RSU1: variants seen among roughly 807,000 people sequenced by gnomAD.
RSU1 encodes rsu-1.
In RSU1, 26 loss-of-function variants were observed where a neutral mutation model predicts 31.1. The ratio of observed to expected loss-of-function variants is 0.84; its 90% confidence interval spans 0.61 to 1.16. The LOEUF is 1.16. RSU1 is among the 50% of genes most tolerant of loss of function. The pLI, the probability that RSU1 is intolerant of heterozygous loss-of-function variation, is 0.00. For synonymous variants in RSU1, 164 were observed against 136.3 expected (o/e 1.20, Z -1.41); for missense variants, 320 against 339.1 (o/e 0.94, Z 0.44).
chr10:16,776,808 T>TAA (rs1299409603), intron 3 of RSU1, among the ~76,000 whole-genome samples: 20 of 139,328 alleles, frequency 1.4e-4, no homozygotes, highest in African/African-American at 3.6e-4. Context: ...TCACAAAATT[T>TAA]AAAAAAAAAA....
intron 8 of RSU1, among the ~76,000 whole-genome samples, chr10:16,614,508 T>A (rs1428848524): frequency 2.6e-5 from 4 of 152,018 alleles, no homozygotes; most frequent in Non-Finnish European, 4.4e-5. Context: ...AATAAGAGTA[T>A]CAATGGATTG....
At chr10:16,811,874 C>G (rs1319582834) in intron 2 of RSU1, among the ~76,000 whole-genome samples, 3 of 152,170 alleles carry the variant, frequency 2.0e-5, no homozygotes, top group African/African-American at 7.2e-5. Context: ...ATAAATTTTT[C>G]CCAAGTACTA....
intron 8 of RSU1, among the ~76,000 whole-genome samples, chr10:16,645,962 ATG>A (rs1211259644): frequency 0.17 from 8,699 of 51,022 alleles, 2,247 homozygotes; most frequent in South Asian, 0.26. Context: ...ATATACATAT[ATG>A]TGTATATATA....
chr10:16,774,465 G>A (rs1837488315), intron 3 of RSU1, among the ~76,000 whole-genome samples: 1 of 152,166 alleles, frequency 6.6e-6, no homozygotes, highest in Admixed American at 6.5e-5. Context: ...AGCTACTAGG[G>A]AGGCTGAGGC....
In RSU1 at chr10:16,658,506, C is replaced by T. The variant is rs117965081; in HGVS notation, c.731+36517G>A. 7.1e-3 allele frequency among the ~76,000 whole-genome samples: 1,082 copies of T among 152,130 alleles called. 9 individuals are homozygous for T. Among genetic ancestry groups the T allele is most frequent in the Non-Finnish European group, 0.01 (709 of 68,000 alleles). On this transcript the variant is annotated intron_variant, in intron 8 of 8. Transcript: ENST00000345264. ...TGGGAGGCTGATGCAGGCAGATCAC[C>T]GGAGATCAGGAGTTCGAGACCAGCC...
At chr10:16,597,868 G>A (rs972522325) in intron 8 of RSU1, among the ~76,000 whole-genome samples, 11 of 152,338 alleles carry the variant, frequency 7.2e-5, no homozygotes, top group African/African-American at 2.4e-4. Context: ...TGACGCTGCT[G>A]TCCGCCGCAC....
intron 7 of RSU1, among the ~76,000 whole-genome samples, chr10:16,722,089 TGA>T (rs1177315420): frequency 2.0e-5 from 3 of 152,196 alleles, no homozygotes; most frequent in Non-Finnish European, 4.4e-5. Flanking sequence ...AGAGATATTT[TGA>T]GAGAGAGATA....
At chr10:16,603,103 G>A (rs972287541) in intron 8 of RSU1, among the ~76,000 whole-genome samples, 3 of 152,064 alleles carry the variant, frequency 2.0e-5, no homozygotes, top group Admixed American at 1.3e-4. Flanking sequence ...GAATGGCAGC[G>A]TGTGTCTGTC....
intron 8 of RSU1, among the ~76,000 whole-genome samples, chr10:16,684,891 T>C (rs1181284263): frequency 6.6e-6 from 1 of 152,182 alleles, no homozygotes; most frequent in Non-Finnish European, 1.5e-5. Context: ...AGACACTACC[T>C]AATTGGATAG....
intron 8 of RSU1, among the ~76,000 whole-genome samples, chr10:16,666,927 C>T (rs935929632): frequency 4.0e-5 from 6 of 151,864 alleles, no homozygotes; most frequent in Admixed American, 1.3e-4. Flanking sequence ...CATTGCGGGG[C>T]GAAGGTTGCA....
intron 8 of RSU1, among the ~76,000 whole-genome samples, chr10:16,615,760 G>A (rs1833965000): frequency 6.6e-6 from 1 of 152,158 alleles, no homozygotes; most frequent in South Asian, 2.1e-4. Context: ...AACTGAACCT[G>A]CTCCAGAAAG....
chr10:16,759,513 T>C (rs2131626759), intron 4 of RSU1, among the ~76,000 whole-genome samples: 1 of 152,066 alleles, frequency 6.6e-6, no homozygotes, highest in African/African-American at 2.4e-5. Context: ...TCTCAAAAAA[T>C]ATATAAATAA....
chr10:16,810,346 G>A (rs1340133980), intron 2 of RSU1, among the ~76,000 whole-genome samples: 1 of 152,096 alleles, frequency 6.6e-6, no homozygotes, highest in African/African-American at 2.4e-5. Flanking sequence ...GTTACTGCAG[G>A]ACACAGAGTA....
chr10:16,719,319 C>G (rs1318244561), intron 7 of RSU1, among the ~76,000 whole-genome samples: 1 of 152,112 alleles, frequency 6.6e-6, no homozygotes. Context: ...AAAACAAAAA[C>G]AAACCAGAAA....
At chr10:16,786,671 A>G (rs1378125990) in intron 2 of RSU1, among the ~76,000 whole-genome samples, 2 of 151,958 alleles carry the variant, frequency 1.3e-5, no homozygotes, top group African/African-American at 2.4e-5. Context: ...GTTCACCCCA[A>G]TCTACCCAAT....
intron 8 of RSU1, among the ~76,000 whole-genome samples, chr10:16,598,102 C>A (rs1462868720): frequency 2.0e-5 from 3 of 152,218 alleles, no homozygotes; most frequent in African/African-American, 7.2e-5. Context: ...AAGATGGCCA[C>A]ATCTGATCCC....
chr10:16,632,979 T>C (rs950734760), intron 8 of RSU1, among the ~76,000 whole-genome samples: 1 of 152,118 alleles, frequency 6.6e-6, no homozygotes, highest in African/African-American at 2.4e-5. Context: ...CAAATATAAA[T>C]GCAGATGGTC....
At chr10:16,645,785 C>A (rs1028964863) in intron 8 of RSU1, among the ~76,000 whole-genome samples, 2 of 148,628 alleles carry the variant, frequency 1.3e-5, no homozygotes, top group Non-Finnish European at 3.0e-5. Context: ...CCAGCCTGGA[C>A]GACAGAGCGA....
chr10:16,811,903 T>C (rs1475616277), intron 2 of RSU1, among the ~76,000 whole-genome samples: 2 of 152,174 alleles, frequency 1.3e-5, no homozygotes, highest in African/African-American at 4.8e-5. Context: ...AGAGAGACAC[T>C]TCAGCTAGGC....
Sources: gnomAD v4.1 joint callset for allele counts (sites outside exome capture counted in the v4.1 genomes callset) on GRCh38, gnomAD v4.1.1 for gene constraint, MANE v1.5 for transcripts, NCBI Gene and HGNC (gene_info 2026-07-23, HGNC 2026-07-21) for gene names.